The following FAT3 variants were observed in gnomAD, a reference collection of about 807,000 sequenced individuals.
FAT3 encodes the protein FAT atypical cadherin 3, also known as protocadherin Fat 3.
In FAT3, 95 loss-of-function variants were observed where a neutral mutation model predicts 310.2. That is an observed-to-expected ratio of 0.31 (90% confidence interval 0.26 to 0.36). The LOEUF (loss-of-function observed/expected upper bound fraction) is 0.36. FAT3 is among the 10% of genes least tolerant of loss of function. The probability of loss-of-function intolerance (pLI) is 1.00; values close to 1 mark genes in which losing one functional copy is unlikely to be tolerated. For synonymous variants in FAT3, 2,314 were observed against 2,192.9 expected (o/e 1.06, Z -1.54); for missense variants, 5,408 against 5,715.6 (o/e 0.95, Z 1.74).
At chr11:92,715,780 G>A (rs1301559904) in intron 4 of FAT3, among the ~76,000 whole-genome samples, 1 of 151,814 alleles carries the variant, frequency 6.6e-6, no homozygotes, top group African/African-American at 2.4e-5. Context: ...ACAGAAGAGG[G>A]GAGACTTGAC....
chr11:92,246,011 G>A (rs1019774250), intron 1 of FAT3, among the ~76,000 whole-genome samples: 1 of 152,084 alleles, frequency 6.6e-6, no homozygotes, highest in Non-Finnish European at 1.5e-5. Context: ...GGTGATTAAG[G>A]ATGAGGAAGT....
At chr11:92,484,887 GAAGTTAATTGGAC>G (rs1952330984) in intron 2 of FAT3, among the ~76,000 whole-genome samples, 1 of 152,178 alleles carries the variant, frequency 6.6e-6, no homozygotes, top group African/African-American at 2.4e-5. Context: ...TTTTCATAAA[GAAGTTAATTGGAC>G]AAGTAATTTT....
intron 26 of FAT3, 116 bp from the exon 27 acceptor site, chr11:92,889,740 T>A (rs1253808935): frequency 3.0e-6 from 2 of 675,190 alleles, no homozygotes; most frequent in African/African-American, 3.6e-5. Flanking sequence ...CTAAACTTAG[T>A]CGTAGCCCAC....
intron 2 of FAT3, among the ~76,000 whole-genome samples, chr11:92,474,891 T>C (rs1391262748): frequency 6.6e-6 from 1 of 152,204 alleles, no homozygotes; most frequent in Non-Finnish European, 1.5e-5. Flanking sequence ...ATCTTTCTAA[T>C]CTCTTTTCCT....
At chr11:92,419,933 G>A (rs898710010) in intron 2 of FAT3, among the ~76,000 whole-genome samples, 1 of 152,156 alleles carries the variant, frequency 6.6e-6, no homozygotes, top group Non-Finnish European at 1.5e-5. Flanking sequence ...CGGGAAGATA[G>A]GAAATTTGGT....
At chr11:92,633,294 C>T (rs1020502686) in intron 3 of FAT3, among the ~76,000 whole-genome samples, 1 of 152,054 alleles carries the variant, frequency 6.6e-6, no homozygotes, top group Non-Finnish European at 1.5e-5. Context: ...CCTAGTTTCA[C>T]TTGGGCTCAG....
chr11:92,668,205 G>A lies in FAT3; in HGVS notation c.3608-29179G>A, dbSNP rs549673308. Among the ~76,000 whole-genome samples, 5 of 152,314 alleles carry A rather than the reference G, an allele frequency of 3.3e-5. No homozygotes were observed. In the East Asian group the frequency reaches 7.7e-4, roughly 24 times the overall value. On this transcript the variant is annotated intron_variant, in intron 3 of 27. Transcript: ENST00000525166. ...GCCAAATGAATACAAATGAAATACA[G>A]TAGAGAATTATCAGGATAGTGGTTG...
chr11:92,365,003 T>C (rs1023494820), intron 2 of FAT3, among the ~76,000 whole-genome samples: 2 of 152,258 alleles, frequency 1.3e-5, no homozygotes, highest in Non-Finnish European at 2.9e-5. Flanking sequence ...CTCATGCCTA[T>C]AATCCTAGCT....
chr11:92,353,006 C>G lies in FAT3; in HGVS notation c.894C>G (p.Ile298Met). The change falls in exon 2 of 28, where the codon ATC becomes ATG. Residue 298 changes from isoleucine to methionine, a missense_variant. Around this residue, in one of 5 missense-constraint regions of FAT3, gnomAD observed 4,588 missense variants for 4,809.8 expected, o/e 0.95. Coordinates refer to ENST00000525166, the MANE Select transcript of FAT3 (RefSeq NM_001367949.2). ...TAGATGATGGAGCGAATGGAGAGATCGAATCTGTTTCCATTGTGGCTGGGG... is the reference window on the plus strand; with the variant it reads ...TAGATGATGGAGCGAATGGAGAGATGGAATCTGTTTCCATTGTGGCTGGGG... The part of the protein sequence containing the change: ...DDLDDGANGE[I>M]ESVSIVAGDP... The G allele has an allele frequency of 6.2e-7, 1 of 1,613,716 alleles. No individual in the cohort carries two copies. The highest frequency in any genetic ancestry group is 8.5e-7 in the Non-Finnish European group (1 of 1,179,856).
intron 3 of FAT3, among the ~76,000 whole-genome samples, chr11:92,565,655 C>T (rs1412020865): frequency 2.0e-5 from 3 of 149,884 alleles, no homozygotes; most frequent in Non-Finnish European, 4.5e-5. Flanking sequence ...ACTGGCAAAC[C>T]GAATCCAGCA....
At chr11:92,508,438 G>A (rs546372110) in intron 2 of FAT3, among the ~76,000 whole-genome samples, 32 of 151,880 alleles carry the variant, frequency 2.1e-4, no homozygotes, top group African/African-American at 7.3e-4. Flanking sequence ...CTTTACTTAC[G>A]TTTTTCAGAT....
At chr11:92,285,317 A>G (rs544606331) in intron 1 of FAT3, among the ~76,000 whole-genome samples, 6 of 152,234 alleles carry the variant, frequency 3.9e-5, no homozygotes, top group Non-Finnish European at 4.4e-5. Flanking sequence ...TGTACATCTG[A>G]TTTTTGGTAA....
At chr11:92,499,843 A>G (rs1952884973) in intron 2 of FAT3, among the ~76,000 whole-genome samples, 1 of 151,942 alleles carries the variant, frequency 6.6e-6, no homozygotes, top group African/African-American at 2.4e-5. Context: ...AAGAAGTGTG[A>G]CTTCCCTCAG....
At chr11:92,398,926 A>G (rs879233535) in intron 2 of FAT3, among the ~76,000 whole-genome samples, 1 of 152,162 alleles carries the variant, frequency 6.6e-6, no homozygotes, top group Admixed American at 6.6e-5. Context: ...ATCTTACTTC[A>G]GAGGATTGTA....
intron 3 of FAT3, among the ~76,000 whole-genome samples, chr11:92,653,439 C>T (rs1344130554): frequency 6.6e-6 from 1 of 152,120 alleles, no homozygotes; most frequent in African/African-American, 2.4e-5. Flanking sequence ...GATAGATAAG[C>T]TCCTTGAGAT....
chr11:92,525,545 A>C (rs977599944), intron 3 of FAT3, among the ~76,000 whole-genome samples: 1 of 152,186 alleles, frequency 6.6e-6, no homozygotes, highest in Non-Finnish European at 1.5e-5. Context: ...AGAAAGGTCT[A>C]AGGATCGGGA....
At chr11:92,868,802 T>G (rs1382144585) in intron 22 of FAT3, among the ~76,000 whole-genome samples, 2 of 152,182 alleles carry the variant, frequency 1.3e-5, no homozygotes, top group Non-Finnish European at 2.9e-5. Flanking sequence ...TTTAAAAAAA[T>G]TTCATGAAAT....
chr11:92,265,769 C>T (rs1220362834), intron 1 of FAT3, among the ~76,000 whole-genome samples: 1 of 152,010 alleles, frequency 6.6e-6, no homozygotes, highest in Non-Finnish European at 1.5e-5. Flanking sequence ...GGCAAGGCAG[C>T]TCTCTGGTGC....
intron 7 of FAT3, among the ~76,000 whole-genome samples, chr11:92,788,035 A>G (rs1420366333): frequency 6.6e-6 from 1 of 152,190 alleles, no homozygotes; most frequent in Non-Finnish European, 1.5e-5. Flanking sequence ...TAGCCAATCC[A>G]GTAGCAATAA....
Sources: gnomAD v4.1 joint callset for allele counts (sites outside exome capture counted in the v4.1 genomes callset) on GRCh38, gnomAD v4.1.1 for gene constraint, gnomAD v4.1.1 regional missense constraint, MANE v1.5 for transcripts, NCBI Gene and HGNC (gene_info 2026-07-23, HGNC 2026-07-21) for gene names.